The following TEC variants were observed in gnomAD, a reference collection of about 807,000 sequenced individuals.
TEC encodes tec protein tyrosine kinase, also known as tyrosine-protein kinase Tec.
TEC carries 72 observed loss-of-function variants against 93.0 expected under a neutral mutation model. The ratio of observed to expected loss-of-function variants is 0.77; its 90% confidence interval spans 0.64 to 0.94. TEC has a LOEUF of 0.94. Among genes scored for constraint, TEC ranks in the 40% least tolerant of loss-of-function variants. The pLI is 0.00. For missense variants in TEC, 630 were observed against 757.9 expected, an observed-to-expected ratio of 0.83 and a Z score of 1.98; for synonymous variants, 249 against 247.7, an observed-to-expected ratio of 1.01 and a Z score of -0.05.
intron 15 of TEC, among the ~76,000 whole-genome samples, chr4:48,141,067 GA>G (rs1432954430): frequency 7.2e-5 from 11 of 152,026 alleles, no homozygotes; most frequent in African/African-American, 2.7e-4. Context: ...ATTAAGAGAA[GA>G]AAAACACTGC....
intron 2 of TEC, among the ~76,000 whole-genome samples, chr4:48,210,298 C>T (rs1017109828): frequency 6.6e-6 from 1 of 152,004 alleles, no homozygotes. Flanking sequence ...GCCTAGGCAA[C>T]ATAGCAAGAC....
intron 17 of TEC, among the ~76,000 whole-genome samples, chr4:48,137,786 A>T (rs16861038): frequency 0.019 from 2,949 of 152,248 alleles, 120 homozygotes; most frequent in African/African-American, 0.068. Context: ...GAGCCTCTAT[A>T]ATCTGCCACT....
At chr4:48,223,751 G>A (rs1723343734) in intron 2 of TEC, among the ~76,000 whole-genome samples, 1 of 152,156 alleles carries the variant, frequency 6.6e-6, no homozygotes, top group Non-Finnish European at 1.5e-5. Flanking sequence ...CTTTGGGAGG[G>A]TCCCACTATT....
intron 8 of TEC, among the ~76,000 whole-genome samples, chr4:48,157,459 C>A (rs1720448063): frequency 6.6e-6 from 1 of 152,128 alleles, no homozygotes. Context: ...GCTGGTCTTC[C>A]CTCCCACCAG....
chr4:48,167,994 A>G (rs1321501544), intron 6 of TEC, 41 bp from the exon 7 acceptor site: 1 of 1,582,100 alleles, frequency 6.3e-7, no homozygotes, highest in Non-Finnish European at 8.7e-7. Flanking sequence ...AGTCTTCTAT[A>G]TGAAACTGAT....
At chr4:48,180,240 T>C (rs573755972) in intron 2 of TEC, among the ~76,000 whole-genome samples, 46 of 152,318 alleles carry the variant, frequency 3.0e-4, no homozygotes, top group African/African-American at 1.0e-3. Flanking sequence ...TCTCCAAATA[T>C]CTTGTTATGA....
At chr4:48,209,486 C>T (rs895864599) in intron 2 of TEC, among the ~76,000 whole-genome samples, 9 of 151,902 alleles carry the variant, frequency 5.9e-5, no homozygotes, top group African/African-American at 1.5e-4. Flanking sequence ...TGGTAGCAAA[C>T]GCCTGTATCC....
chr4:48,138,574 C>CA (rs1177736460), intron 17 of TEC, 91 bp downstream of exon 17: 2 of 1,416,100 alleles, frequency 1.4e-6, no homozygotes, highest in East Asian at 2.3e-5. Context: ...AAAGATGCAC[C>CA]ACCTCACTAG....
chr4:48,215,832 T>G (rs1056996623), intron 2 of TEC, among the ~76,000 whole-genome samples: 1 of 152,172 alleles, frequency 6.6e-6, no homozygotes, highest in South Asian at 2.1e-4. Flanking sequence ...TTTCCAGAAC[T>G]AAGGCAGTGC....
intron 1 of TEC, among the ~76,000 whole-genome samples, chr4:48,265,083 C>A (rs1450642344): frequency 2.0e-5 from 3 of 151,786 alleles, no homozygotes; most frequent in Non-Finnish European, 4.4e-5. Flanking sequence ...TCAATCTGTG[C>A]AGGAAGGAAA....
At chr4:48,245,688 T>C (rs1422509817) in intron 1 of TEC, among the ~76,000 whole-genome samples, 2 of 152,168 alleles carry the variant, frequency 1.3e-5, no homozygotes, top group African/African-American at 4.8e-5. Context: ...AAATAAAAGC[T>C]AAGATAATAT....
intron 2 of TEC, among the ~76,000 whole-genome samples, chr4:48,210,961 A>G (rs1351553809): frequency 1.3e-5 from 2 of 152,308 alleles, no homozygotes; most frequent in South Asian, 4.1e-4. Context: ...GCTTACATGC[A>G]CTTACCTACC....
At chr4:48,194,652 G>C (rs566134518) in intron 2 of TEC, among the ~76,000 whole-genome samples, 1 of 152,120 alleles carries the variant, frequency 6.6e-6, no homozygotes, top group South Asian at 2.1e-4. Context: ...AGAGTTGGGG[G>C]GAGTGAGGAA....
intron 1 of TEC, among the ~76,000 whole-genome samples, chr4:48,266,281 G>A (rs1183167716): frequency 6.6e-6 from 1 of 152,198 alleles, no homozygotes; most frequent in African/African-American, 2.4e-5. Flanking sequence ...AGTACCAGGA[G>A]ATCCAACACA....
At chr4:48,196,150 T>C (rs28372254) in intron 2 of TEC, among the ~76,000 whole-genome samples, 3,175 of 152,232 alleles carry the variant, frequency 0.021, 120 homozygotes, top group African/African-American at 0.073. Flanking sequence ...GTGTCTGTGA[T>C]GGTGTTTCCA....
At chr4:48,195,324 T>C (rs1722260981) in intron 2 of TEC, among the ~76,000 whole-genome samples, 1 of 152,132 alleles carries the variant, frequency 6.6e-6, no homozygotes, top group South Asian at 2.1e-4. Flanking sequence ...TAAAGCCTGA[T>C]CAAAGTTGTA....
chr4:48,247,394 C>A (rs1341492930), intron 1 of TEC, among the ~76,000 whole-genome samples: 2 of 152,144 alleles, frequency 1.3e-5, no homozygotes. Flanking sequence ...TAGGTATATA[C>A]CCAACAGAAT....
At chr4:48,205,423 T>C (rs1239932051) in intron 2 of TEC, among the ~76,000 whole-genome samples, 2 of 152,276 alleles carry the variant, frequency 1.3e-5, no homozygotes, top group South Asian at 2.1e-4. Flanking sequence ...CTTAACACCA[T>C]GAAAATTGGC....
intron 2 of TEC, among the ~76,000 whole-genome samples, chr4:48,198,238 C>T (rs1361135189): frequency 6.6e-6 from 1 of 152,172 alleles, no homozygotes; most frequent in Non-Finnish European, 1.5e-5. Flanking sequence ...GGCGCCAGGG[C>T]GATGGTCAGG....
Sources: allele counts gnomAD v4.1 joint callset (sites outside exome capture counted in the v4.1 genomes callset), GRCh38; gene constraint gnomAD v4.1.1; transcripts MANE v1.5; gene names NCBI Gene and HGNC (gene_info 2026-07-23, HGNC 2026-07-21).